Variants in ZNF726 observed in about 807,000 individuals in gnomAD.
ZNF726 encodes the protein zinc finger protein 726.
In ZNF726, 15 loss-of-function variants were observed where a neutral mutation model predicts 11.6. The observed-to-expected ratio is 1.29, with a 90% CI of 0.86 to 1.99. The LOEUF (loss-of-function observed/expected upper bound fraction) is 1.99, where lower values mean the gene tolerates loss of function less well. Among genes scored for constraint, ZNF726 ranks in the 30% most tolerant of loss-of-function variants. ZNF726 has a pLI of 0.00. For synonymous variants in ZNF726, 295 were observed against 243.6 expected, an observed-to-expected ratio of 1.21 and a Z score of -1.96; for missense variants, 890 against 725.6, an observed-to-expected ratio of 1.23 and a Z score of -2.60.
At chr19:23,938,422 C>A (rs1180982571), downstream of ZNF726, among the ~76,000 whole-genome samples, 5 of 151,896 alleles carry the variant, frequency 3.3e-5, no homozygotes, top group East Asian at 1.9e-4. Flanking sequence ...TAGAAAAAAA[C>A]CAAAATTCTC....
chr19:23,919,660 A>C (rs1338390248), intron 2 of ZNF726, 161 bp downstream of exon 2: 8 of 937,012 alleles, frequency 8.5e-6, no homozygotes, highest in Non-Finnish European at 1.2e-5. Flanking sequence ...TTTCATCCTG[A>C]CCTGAAATTT....
intron 1 of ZNF726, among the ~76,000 whole-genome samples, chr19:23,917,619 G>A (rs923926019): frequency 8.6e-5 from 13 of 151,920 alleles, no homozygotes; most frequent in African/African-American, 2.9e-4. Flanking sequence ...TTTTAGCAGG[G>A]TAAAATTTTG....
intron 3 of ZNF726, among the ~76,000 whole-genome samples, chr19:23,931,421 A>G (rs1012684018): frequency 2.0e-5 from 3 of 152,022 alleles, no homozygotes; most frequent in Non-Finnish European, 4.4e-5. Context: ...GTGATTTTCC[A>G]TACTTGTCTC....
intron 4 of ZNF726, chr19:23,944,372 A>C (rs967660559): frequency 6.6e-6 from 1 of 152,280 alleles, no homozygotes; most frequent in Non-Finnish European, 1.5e-5. Flanking sequence ...TAGATACCCA[A>C]TGATGAGACT....
intron 3 of ZNF726, among the ~76,000 whole-genome samples, chr19:23,930,881 T>C (rs1968089097): frequency 6.6e-6 from 1 of 152,266 alleles, no homozygotes; most frequent in African/African-American, 2.4e-5. Context: ...TTAGTCATAT[T>C]GTCTTGACAT....
chr19:23,924,097 T>G (rs1469044876), intron 3 of ZNF726, among the ~76,000 whole-genome samples: 1 of 151,742 alleles, frequency 6.6e-6, no homozygotes, highest in Admixed American at 6.6e-5. Context: ...GAGGCTGAAG[T>G]GTAATGCACG....
chr19:23,918,260 A>G (rs1324386567), intron 1 of ZNF726, among the ~76,000 whole-genome samples: 3 of 152,166 alleles, frequency 2.0e-5, no homozygotes, highest in Non-Finnish European at 4.4e-5. Flanking sequence ...GGGCAAAGAA[A>G]CTTAAGCAAG....
Position 23,933,178 on chromosome 19 carries a change from A to G in ZNF726, c.1062A>G (p.Gly354=), listed in dbSNP as rs780947165. ...EECAKAFSQF[G]HLTTHRIIHT... is the part of the protein sequence containing the mutation. ...GTGCCAAAGCTTTTAGCCAATTCGGACACCTTACTACACATAGGATAATTC... is the reference window on the plus strand; with the variant it reads ...GTGCCAAAGCTTTTAGCCAATTCGGGCACCTTACTACACATAGGATAATTC... The change falls in exon 4 of 4, where the codon GGA becomes GGG. Residue 354 remains glycine, a synonymous_variant. Transcript: ENST00000594466. 3.7e-6 allele frequency: 6 copies of G among 1,601,848 alleles called. No individual in the cohort carries two copies. Among genetic ancestry groups the G allele is most frequent in the Non-Finnish European group, 5.1e-6 (6 of 1,173,438 alleles).
chr19:23,930,853 TA>T (rs760130722), intron 3 of ZNF726, among the ~76,000 whole-genome samples: 9 of 152,238 alleles, frequency 5.9e-5, no homozygotes, highest in Non-Finnish European at 1.2e-4. Context: ...TACCACAAAA[TA>T]TTTTTAAATA....
intron 4 of ZNF726, chr19:23,943,774 G>A (rs1968375395): frequency 4.8e-6 from 2 of 412,580 alleles, no homozygotes; most frequent in South Asian, 1.8e-4. Context: ...TATTTCTAAG[G>A]ACTCTACTTC....
downstream of ZNF726, among the ~76,000 whole-genome samples, chr19:23,937,591 G>C (rs909800221): frequency 7.2e-6 from 1 of 139,402 alleles, no homozygotes; most frequent in Non-Finnish European, 1.6e-5. Context: ...TGGGATGGCG[G>C]CCGGGAAGAG....
At chr19:23,937,164 A>T (rs1217457518), downstream of ZNF726, among the ~76,000 whole-genome samples, 1 of 141,520 alleles carries the variant, frequency 7.1e-6, no homozygotes, top group African/African-American at 2.6e-5. Flanking sequence ...CCTCCCAGAC[A>T]GGGTGGCTGG....
At chr19:23,944,697 A>C (rs1402698060) in intron 4 of ZNF726, 1 of 202,932 alleles carries the variant, frequency 4.9e-6, no homozygotes, top group East Asian at 1.6e-4. Context: ...TAATATAATA[A>C]ATAATAATAC....
chr19:23,939,733 G>T (rs929364717), intron 3 of ZNF726, among the ~76,000 whole-genome samples: 4 of 152,082 alleles, frequency 2.6e-5, no homozygotes, highest in Non-Finnish European at 1.5e-5. Context: ...GAATAAGGTG[G>T]TATGGCATTG....
Position 23,919,489 on chromosome 19 carries a change from G to A in ZNF726, c.120G>A (p.Leu40=), listed in dbSNP as rs1488042089. ...RNVMLENYRN[L]AFLGIAVSKP... ...TGATGTTAGAGAACTACAGAAACCT[G>A]GCCTTCCTGGGTGAGGATAACTTTA... Residue 40 remains leucine (L), a synonymous_variant, in exon 2 of 4, where the codon CTG becomes CTA. Transcript: ENST00000594466. The A allele has an allele frequency of 1.3e-6, 2 of 1,598,002 alleles. No individual in the cohort carries two copies. Among genetic ancestry groups the A allele is most frequent in the Admixed American group, 3.5e-5 (2 of 57,824 alleles).
At chr19:23,937,477 C>A (rs534020335), downstream of ZNF726, among the ~76,000 whole-genome samples, 2 of 150,046 alleles carry the variant, frequency 1.3e-5, no homozygotes, top group African/African-American at 2.5e-5. Context: ...ACGGGGCGGC[C>A]GGGCAGAGAC....
intron 3 of ZNF726, among the ~76,000 whole-genome samples, chr19:23,939,665 C>T (rs1438743683): frequency 6.6e-6 from 1 of 152,136 alleles, no homozygotes; most frequent in East Asian, 1.9e-4. Flanking sequence ...TCCCTGATCA[C>T]TGCATCCACG....
intron 1 of ZNF726, among the ~76,000 whole-genome samples, chr19:23,918,727 C>T (rs1967765828): frequency 1.4e-5 from 2 of 142,236 alleles, no homozygotes; most frequent in South Asian, 4.5e-4. Flanking sequence ...ATGGCAGCTG[C>T]CTGTTTTTTT....
intron 3 of ZNF726, 56 bp from the exon 4 acceptor site, chr19:23,932,287 A>G: frequency 1.7e-6 from 2 of 1,193,614 alleles, no homozygotes; most frequent in Non-Finnish European, 1.1e-6. Context: ...TAAGATTTTT[A>G]AACTATATTT....
Sources: gnomAD v4.1 joint callset for allele counts (sites outside exome capture counted in the v4.1 genomes callset) on GRCh38, gnomAD v4.1.1 for gene constraint, MANE v1.5 for transcripts, NCBI Gene and HGNC (gene_info 2026-07-23, HGNC 2026-07-21) for gene names.